Variants in PKIB observed in about 807,000 individuals in gnomAD.
PKIB encodes cAMP-dependent protein kinase inhibitor beta, also known as PKI-beta.
A neutral mutation model predicts 4.5 loss-of-function variants in PKIB; 2 were observed. That is an observed-to-expected ratio of 0.44 (90% CI 0.18 to 1.39). The LOEUF is 1.39. PKIB is among the 40% of genes most tolerant of loss of function. The pLI is 0.27. For missense variants in PKIB, 94 were observed against 92.6 expected, an observed-to-expected ratio of 1.02 and a Z score of -0.06; for synonymous variants, 38 against 36.0, an observed-to-expected ratio of 1.06 and a Z score of -0.20.
At chr6:122,635,374 G>A (rs975251866) in intron 2 of PKIB, among the ~76,000 whole-genome samples, 3 of 151,946 alleles carry the variant, frequency 2.0e-5, no homozygotes, top group Non-Finnish European at 4.4e-5. Context: ...TGTTTGATGG[G>A]AGCTAAAACA....
At chr6:122,672,202 A>G (rs1206934194) in intron 2 of PKIB, among the ~76,000 whole-genome samples, 1 of 152,072 alleles carries the variant, frequency 6.6e-6, no homozygotes, top group Non-Finnish European at 1.5e-5. Flanking sequence ...TTTCCCTGAG[A>G]AGGAGGAGAA....
chr6:122,688,164 G>T (rs1778167283), intron 3 of PKIB, among the ~76,000 whole-genome samples: 1 of 152,080 alleles, frequency 6.6e-6, no homozygotes, highest in Admixed American at 6.5e-5. Flanking sequence ...ATCATGAAAG[G>T]ATGTTGAATT....
intron 2 of PKIB, among the ~76,000 whole-genome samples, chr6:122,535,714 C>A (rs1466632880): frequency 6.6e-6 from 1 of 152,172 alleles, no homozygotes; most frequent in Non-Finnish European, 1.5e-5. Flanking sequence ...AGTTTAAGCC[C>A]TAGCTCTACC....
At chr6:122,716,534 A>G (rs1281176233) in intron 3 of PKIB, among the ~76,000 whole-genome samples, 1 of 152,206 alleles carries the variant, frequency 6.6e-6, no homozygotes, top group Non-Finnish European at 1.5e-5. Context: ...CTATGGAATT[A>G]ATAGAATGAC....
chr6:122,586,915 A>G (rs1481720167), intron 3 of PKIB, among the ~76,000 whole-genome samples: 1 of 152,188 alleles, frequency 6.6e-6, no homozygotes, highest in Non-Finnish European at 1.5e-5. Flanking sequence ...CTCTGCCTCC[A>G]CCTGGGTGGG....
intron 2 of PKIB, among the ~76,000 whole-genome samples, chr6:122,655,910 C>T (rs1776760367): frequency 6.6e-6 from 1 of 151,898 alleles, no homozygotes; most frequent in South Asian, 2.1e-4. Flanking sequence ...ATGTTCTGTC[C>T]AGCTCTAGAG....
At chr6:122,674,454 C>T (rs1321295906) in intron 2 of PKIB, among the ~76,000 whole-genome samples, 1 of 152,032 alleles carries the variant, frequency 6.6e-6, no homozygotes, top group Non-Finnish European at 1.5e-5. Context: ...GTTCATACTC[C>T]CATTATTTTT....
At chr6:122,583,385 T>C (rs564635194) in intron 2 of PKIB, among the ~76,000 whole-genome samples, 40 of 152,216 alleles carry the variant, frequency 2.6e-4, no homozygotes, top group Non-Finnish European at 3.2e-4. Context: ...TTGAGAATTT[T>C]TATTCTAATA....
intron 2 of PKIB, among the ~76,000 whole-genome samples, chr6:122,582,134 C>A (rs1309690883): frequency 6.6e-6 from 1 of 151,902 alleles, no homozygotes; most frequent in African/African-American, 2.4e-5. Context: ...TTTTTGTCAT[C>A]TTTATGGAAC....
At chr6:122,480,749 C>T (rs1386767653) in intron 2 of PKIB, 2 of 152,078 alleles carry the variant, frequency 1.3e-5, no homozygotes, top group Non-Finnish European at 2.9e-5. Context: ...CCGTTTCTTA[C>T]TGTACAAATA....
intron 2 of PKIB, among the ~76,000 whole-genome samples, chr6:122,536,715 C>T (rs184030627): frequency 7.6e-4 from 116 of 151,702 alleles, no homozygotes; most frequent in Non-Finnish European, 1.2e-3. Flanking sequence ...AACTTAAAAA[C>T]TATGTACCAG....
At chr6:122,571,055 AAC>A (rs201838157) in intron 2 of PKIB, among the ~76,000 whole-genome samples, 14 of 152,190 alleles carry the variant, frequency 9.2e-5, no homozygotes, top group African/African-American at 3.1e-4. Flanking sequence ...CATAAAAAAA[AAC>A]AATCAGAACT....
rs569378343 is a variant in PKIB at position 122,555,668 on chromosome 6, TC to T, written c.-247-30252del. 5.9e-4 allele frequency among the ~76,000 whole-genome samples: 90 copies of T among 152,322 alleles called. 1 individual carries two copies. Among genetic ancestry groups the T allele is most frequent in the African/African-American group, 2.2e-3 (90 of 41,570 alleles). On this transcript the variant is annotated intron_variant, in intron 2 of 6. Coordinates refer to the PKIB transcript ENST00000392491. ...TTGTAGTTTCCTATCCTGCAGGCCT[TC>T]TTTTTCTTTTCAAATTGCCATTAGG...
chr6:122,602,497 T>C (rs983575714), intron 3 of PKIB, among the ~76,000 whole-genome samples: 17 of 152,206 alleles, frequency 1.1e-4, no homozygotes, highest in African/African-American at 4.1e-4. Flanking sequence ...ACAACTTTTG[T>C]TGTTATTTAC....
intron 2 of PKIB, among the ~76,000 whole-genome samples, chr6:122,581,342 G>T (rs1244191246): frequency 2.6e-5 from 4 of 151,972 alleles, no homozygotes; most frequent in Non-Finnish European, 1.5e-5. Context: ...AGTTGTTTTT[G>T]TTATAACATT....
At chr6:122,651,092 C>T (rs186618626) in intron 2 of PKIB, among the ~76,000 whole-genome samples, 17 of 152,162 alleles carry the variant, frequency 1.1e-4, no homozygotes, top group East Asian at 5.8e-4. Context: ...GCCAAATAGA[C>T]GAGTGAAACA....
chr6:122,539,401 C>T (rs541260924), intron 2 of PKIB, among the ~76,000 whole-genome samples: 1 of 152,018 alleles, frequency 6.6e-6, no homozygotes, highest in African/African-American at 2.4e-5. Flanking sequence ...AGCATTGTTG[C>T]ATTTTGTCAA....
intron 2 of PKIB, among the ~76,000 whole-genome samples, chr6:122,486,510 A>G (rs1582651201): frequency 2.0e-5 from 3 of 151,862 alleles, no homozygotes; most frequent in African/African-American, 4.8e-5. Context: ...TTCATCCTCT[A>G]TGTTCCAATA....
intron 4 of PKIB, among the ~76,000 whole-genome samples, chr6:122,719,716 TACACACACACACACACACACACACACAC>T (rs202212013): frequency 0.47 from 62,574 of 132,876 alleles, 14,433 homozygotes; most frequent in East Asian, 0.67. Context: ...CCACCACACA[TACACACACACACACACACACACACACAC>T]ACACACACAC....
Sources: allele counts gnomAD v4.1 joint callset (sites outside exome capture counted in the v4.1 genomes callset), GRCh38; gene constraint gnomAD v4.1.1; transcripts MANE v1.5; gene names NCBI Gene and HGNC (gene_info 2026-07-23, HGNC 2026-07-21).